Variants in SLC14A2 observed in about 807,000 individuals in gnomAD.
SLC14A2 encodes the protein solute carrier family 14 member 2.
A neutral mutation model predicts 104.6 loss-of-function variants in SLC14A2; 91 were observed. The observed-to-expected ratio is 0.87, with a 90% confidence interval of 0.73 to 1.04. SLC14A2 has a LOEUF of 1.04. SLC14A2 is among the 50% of genes least tolerant of loss of function. SLC14A2 has a pLI of 0.00. For synonymous variants in SLC14A2, 476 were observed against 466.4 expected (o/e 1.02, Z -0.27); for missense variants, 1,189 against 1,156.0 (o/e 1.03, Z -0.41).
At chr18:45,494,505 C>A (rs1354984937) in intron 2 of SLC14A2, among the ~76,000 whole-genome samples, 1 of 152,186 alleles carries the variant, frequency 6.6e-6, no homozygotes, top group East Asian at 1.9e-4. Context: ...TCAAGTGATT[C>A]TCCTGCCTCA....
chr18:45,191,338 AAGG>A, the SLC14A2 span, among the ~76,000 whole-genome samples: 1 of 152,216 alleles, frequency 6.6e-6, no homozygotes, highest in Non-Finnish European at 1.5e-5. Context: ...CATATGAATT[AAGG>A]AGTCCCAGAT....
intron 10 of SLC14A2, among the ~76,000 whole-genome samples, chr18:45,659,198 C>T (rs1051844489): frequency 2.0e-5 from 3 of 152,242 alleles, no homozygotes; most frequent in Admixed American, 1.3e-4. Flanking sequence ...CTCCAAGCAG[C>T]CAGGTGCTGT....
intron 1 of SLC14A2, among the ~76,000 whole-genome samples, chr18:45,387,299 C>A (rs1198866359): frequency 6.6e-6 from 1 of 152,174 alleles, no homozygotes; most frequent in Non-Finnish European, 1.5e-5. Context: ...AAACCCATAG[C>A]TTGCCACAAC....
At chr18:45,594,295 T>A (rs369505576) in intron 2 of SLC14A2, among the ~76,000 whole-genome samples, 4 of 152,180 alleles carry the variant, frequency 2.6e-5, no homozygotes, top group African/African-American at 9.7e-5. Context: ...AGCAATGGGA[T>A]GTTTAAGTGT....
intron 1 of SLC14A2, among the ~76,000 whole-genome samples, chr18:45,322,723 T>C (rs150505638): frequency 3.6e-4 from 55 of 152,314 alleles, no homozygotes; most frequent in African/African-American, 1.2e-3. Context: ...ATTAGCAAAA[T>C]ACCCTTCATC....
chr18:45,247,535 A>G (rs1011496865), intron 1 of SLC14A2, among the ~76,000 whole-genome samples: 2 of 152,156 alleles, frequency 1.3e-5, no homozygotes, highest in Admixed American at 1.3e-4. Flanking sequence ...TGATAAACAT[A>G]TATAACTCTG....
chr18:45,286,902 G>A (rs1002016428), intron 1 of SLC14A2, among the ~76,000 whole-genome samples: 2 of 152,206 alleles, frequency 1.3e-5, no homozygotes, highest in Non-Finnish European at 2.9e-5. Flanking sequence ...ATAGATTTAT[G>A]TTCATACATT....
intron 1 of SLC14A2, among the ~76,000 whole-genome samples, chr18:45,283,078 T>G (rs1435822565): frequency 6.6e-6 from 1 of 152,212 alleles, no homozygotes; most frequent in Non-Finnish European, 1.5e-5. Context: ...GAACGAATCA[T>G]TACCCCACAT....
At chr18:45,183,709 CTCTTTCTTTTCTTTCTCTCTT>C in the SLC14A2 span, among the ~76,000 whole-genome samples, 2 of 149,968 alleles carry the variant, frequency 1.3e-5, no homozygotes, top group Non-Finnish European at 3.0e-5. Context: ...CTCTCCTTCT[CTCTTTCTTTTCTTTCTCTCTT>C]TCTTTCTTTT....
chr18:45,312,419 A>T (rs900927573), intron 1 of SLC14A2, among the ~76,000 whole-genome samples: 5 of 151,970 alleles, frequency 3.3e-5, no homozygotes, highest in African/African-American at 9.7e-5. Flanking sequence ...AAATGACAGC[A>T]GCTTCGTTTT....
the SLC14A2 span, among the ~76,000 whole-genome samples, chr18:45,192,304 C>A: frequency 6.6e-6 from 1 of 152,254 alleles, no homozygotes; most frequent in African/African-American, 2.4e-5. Context: ...TTAAAGAATA[C>A]AATTTGATAT....
intron 10 of SLC14A2, among the ~76,000 whole-genome samples, chr18:45,652,636 C>G (rs1052160001): frequency 6.6e-6 from 1 of 152,204 alleles, no homozygotes. Context: ...AAGGAAGCCA[C>G]GAGCATTGTG....
chr18:45,258,235 G>T (rs2084500709), intron 1 of SLC14A2, among the ~76,000 whole-genome samples: 1 of 106,958 alleles, frequency 9.3e-6, no homozygotes, highest in Admixed American at 8.3e-5. Flanking sequence ...CGCTCACACT[G>T]GGCTCCCATC....
At chr18:45,366,373 A>G (rs1423090345) in intron 1 of SLC14A2, among the ~76,000 whole-genome samples, 3 of 152,168 alleles carry the variant, frequency 2.0e-5, no homozygotes, top group Non-Finnish European at 1.5e-5. Flanking sequence ...CTGTCCAGCC[A>G]GGTGCTACCA....
At chr18:45,485,775 C>G (rs2087592050) in intron 2 of SLC14A2, among the ~76,000 whole-genome samples, 2 of 152,026 alleles carry the variant, frequency 1.3e-5, no homozygotes, top group Non-Finnish European at 2.9e-5. Context: ...AGAACTGTTA[C>G]AGTGGCTCTA....
At chr18:45,414,488 T>G (rs1415517582) in intron 1 of SLC14A2, among the ~76,000 whole-genome samples, 1 of 152,038 alleles carries the variant, frequency 6.6e-6, no homozygotes, top group Non-Finnish European at 1.5e-5. Context: ...GTCTCTTCTC[T>G]CTTCCTACCT....
chr18:45,242,617 C>A (rs779783054), intron 1 of SLC14A2, among the ~76,000 whole-genome samples: 2 of 152,164 alleles, frequency 1.3e-5, no homozygotes, highest in Non-Finnish European at 2.9e-5. Flanking sequence ...GTGAATTACT[C>A]AAGATCAGGC....
chr18:45,591,890 A>G (rs1367227751), intron 2 of SLC14A2, among the ~76,000 whole-genome samples: 1 of 152,190 alleles, frequency 6.6e-6, no homozygotes, highest in Non-Finnish European at 1.5e-5. Context: ...GAGCCACTAG[A>G]TTTCCAAGCT....
intron 2 of SLC14A2, among the ~76,000 whole-genome samples, chr18:45,532,653 T>C (rs1026659529): frequency 2.0e-5 from 3 of 151,914 alleles, no homozygotes; most frequent in Non-Finnish European, 4.4e-5. Context: ...ACAGGGACAA[T>C]TTGACTTCCT....
Sources: gnomAD v4.1 joint callset for allele counts (sites outside exome capture counted in the v4.1 genomes callset) on GRCh38, gnomAD v4.1.1 for gene constraint, MANE v1.5 for transcripts, NCBI Gene and HGNC (gene_info 2026-07-23, HGNC 2026-07-21) for gene names.